Variants in NRXN1 observed in about 807,000 individuals in gnomAD.
NRXN1 encodes neurexin 1, also known as neurexin-1.
NRXN1 carries 39 observed loss-of-function variants against 150.9 expected under a neutral mutation model. That is an observed-to-expected ratio of 0.26 (90% CI 0.20 to 0.34). NRXN1 has a LOEUF of 0.34. Among genes scored for constraint, NRXN1 ranks in the 10% least tolerant of loss-of-function variants. NRXN1 has a pLI of 1.00. For synonymous variants in NRXN1, 924 were observed against 757.0 expected (o/e 1.22, Z -3.62); for missense variants, 1,815 against 1,949.9 (o/e 0.93, Z 1.30).
At chr2:50,851,837 G>A (rs972365775) in intron 5 of NRXN1, among the ~76,000 whole-genome samples, 8 of 152,156 alleles carry the variant, frequency 5.3e-5, no homozygotes, top group Non-Finnish European at 8.8e-5. Flanking sequence ...AATTCTGTAA[G>A]ATACGCCTGT....
intron 17 of NRXN1, among the ~76,000 whole-genome samples, chr2:50,261,041 T>C (rs567296678): frequency 4.7e-4 from 72 of 151,854 alleles, no homozygotes; most frequent in Middle Eastern, 6.8e-3. Flanking sequence ...TGGGTTTTAC[T>C]AAGTCTTTCC....
intron 5 of NRXN1, among the ~76,000 whole-genome samples, chr2:50,702,540 T>C (rs1693894317): frequency 7.2e-6 from 1 of 138,606 alleles, no homozygotes; most frequent in African/African-American, 2.8e-5. Flanking sequence ...CACATAAATG[T>C]ATTCATAGCA....
intron 2 of NRXN1, among the ~76,000 whole-genome samples, chr2:50,941,605 T>C (rs1468649467): frequency 6.6e-6 from 1 of 152,218 alleles, no homozygotes; most frequent in African/African-American, 2.4e-5. Flanking sequence ...TAGAGATCTG[T>C]GGAACTTTGA....
At chr2:50,438,434 G>C (rs912131556) in intron 17 of NRXN1, among the ~76,000 whole-genome samples, 3 of 136,052 alleles carry the variant, frequency 2.2e-5, no homozygotes, top group African/African-American at 1.1e-4. Context: ...GACTGCACTG[G>C]AACTGGGGGG....
chr2:50,791,087 G>GT (rs371224258), intron 5 of NRXN1, among the ~76,000 whole-genome samples: 306 of 119,322 alleles, frequency 2.6e-3, no homozygotes, highest in Admixed American at 5.8e-3. Flanking sequence ...GATTTATGTT[G>GT]TTTTTTTTTT....
chr2:49,933,747 T>C (rs1275876640), intron 22 of NRXN1, among the ~76,000 whole-genome samples: 1 of 152,160 alleles, frequency 6.6e-6, no homozygotes, highest in Non-Finnish European at 1.5e-5. Context: ...AAACAGTGAT[T>C]ATCTGATTGT....
At chr2:50,119,636 A>G (rs2152734589) in intron 18 of NRXN1, among the ~76,000 whole-genome samples, 1 of 152,282 alleles carries the variant, frequency 6.6e-6, no homozygotes, top group Middle Eastern at 3.4e-3. Context: ...TGAAAAATAT[A>G]CTAAAAAAGT....
At chr2:50,096,329 C>G (rs570748207) in intron 18 of NRXN1, among the ~76,000 whole-genome samples, 3 of 152,234 alleles carry the variant, frequency 2.0e-5, no homozygotes, top group African/African-American at 7.2e-5. Flanking sequence ...CTATTTAATT[C>G]AGAAACTATA....
At chr2:50,650,577 C>T (rs1430801583) in intron 5 of NRXN1, among the ~76,000 whole-genome samples, 2 of 152,126 alleles carry the variant, frequency 1.3e-5, no homozygotes, top group Middle Eastern at 3.4e-3. Flanking sequence ...GTCAGAAAAA[C>T]AAATGCTCTG....
intron 5 of NRXN1, among the ~76,000 whole-genome samples, chr2:50,676,780 A>G (rs1190792347): frequency 6.6e-6 from 1 of 152,174 alleles, no homozygotes; most frequent in Non-Finnish European, 1.5e-5. Context: ...GAGGCTTGAA[A>G]AGCCAGATAA....
intron 2 of NRXN1, among the ~76,000 whole-genome samples, chr2:50,981,839 GTGTA>G (rs760858358): frequency 2.2e-4 from 25 of 115,710 alleles, no homozygotes; most frequent in East Asian, 6.1e-4. Context: ...GTGTGTGTGT[GTGTA>G]TGTGTGTGTG....
chr2:50,565,401 T>G (rs894449955), intron 8 of NRXN1, among the ~76,000 whole-genome samples: 1 of 152,108 alleles, frequency 6.6e-6, no homozygotes, highest in African/African-American at 2.4e-5. Flanking sequence ...AAAAAATCAT[T>G]GAATATTTTT....
intron 17 of NRXN1, among the ~76,000 whole-genome samples, chr2:50,419,253 T>C (rs1455169250): frequency 4.6e-5 from 7 of 152,122 alleles, no homozygotes; most frequent in Non-Finnish European, 1.0e-4. Context: ...GGCAATCGTA[T>C]CTTTCAGAAG....
chr2:50,292,626 T>C (rs1304329893), intron 17 of NRXN1, among the ~76,000 whole-genome samples: 1 of 152,104 alleles, frequency 6.6e-6, no homozygotes, highest in Non-Finnish European at 1.5e-5. Context: ...AGCTCTGGAG[T>C]TGCTCCAGCA....
intron 5 of NRXN1, among the ~76,000 whole-genome samples, chr2:50,891,468 T>C (rs1681058065): frequency 6.6e-6 from 1 of 152,082 alleles, no homozygotes; most frequent in Non-Finnish European, 1.5e-5. Context: ...CACGAGTATT[T>C]TATTATACAA....
chr2:50,568,107 A>G (rs188653445), intron 8 of NRXN1, among the ~76,000 whole-genome samples: 1 of 152,254 alleles, frequency 6.6e-6, no homozygotes, highest in East Asian at 1.9e-4. Flanking sequence ...ATAGAAACAA[A>G]CCAAGCCTCT....
At chr2:50,650,632 T>G (rs1265826803) in intron 5 of NRXN1, among the ~76,000 whole-genome samples, 9 of 152,036 alleles carry the variant, frequency 5.9e-5, no homozygotes, top group African/African-American at 9.7e-5. Flanking sequence ...AAGTAGGTGC[T>G]TTTCCAAATG....
Position 50,506,590 on chromosome 2 carries a change from C to A in NRXN1, c.2402G>T (p.Gly801Val), listed in dbSNP as rs1330946898. Residue 801 changes from glycine to valine, a missense_variant, in exon 13 of 23, where the codon GGC becomes GTC. Coordinates refer to ENST00000401669, the MANE Select transcript of NRXN1 (RefSeq NM_001330078.2). ...CCACTCGTTATCATTGAGGTTATAG[C>A]CAGCAAAAAGAGTCTCGGGACCTTT... The part of the protein sequence containing the change: ...SSKGPETLFA[G>V]YNLNDNEWHT... 6.2e-7 allele frequency: 1 copy of A among 1,613,296 alleles called. No homozygotes were observed. The highest frequency in any genetic ancestry group is 2.2e-5 in the East Asian group (1 of 44,838).
chr2:50,998,968 T>C (rs1699684416), intron 2 of NRXN1, among the ~76,000 whole-genome samples: 1 of 152,070 alleles, frequency 6.6e-6, no homozygotes, highest in Non-Finnish European at 1.5e-5. Context: ...ATGTTTGAAC[T>C]GCCAATTATA....
Sources: allele counts gnomAD v4.1 joint callset (sites outside exome capture counted in the v4.1 genomes callset), GRCh38; gene constraint gnomAD v4.1.1; transcripts MANE v1.5; gene names NCBI Gene and HGNC (gene_info 2026-07-23, HGNC 2026-07-21).